The following SVOPL variants were observed in gnomAD, a reference collection of about 807,000 sequenced individuals.
SVOPL encodes putative transporter SVOPL.
A neutral mutation model predicts 61.0 loss-of-function variants in SVOPL; 60 were observed. The ratio of observed to expected loss-of-function variants is 0.98; its 90% CI spans 0.80 to 1.22. The LOEUF is 1.22. Among genes scored for constraint, SVOPL ranks in the 50% most tolerant of loss-of-function variants. The probability of loss-of-function intolerance (pLI) is 0.00; values close to 1 mark genes in which losing one functional copy is unlikely to be tolerated. For missense variants in SVOPL, 662 were observed against 643.9 expected (o/e 1.03, Z -0.30); for synonymous variants, 279 against 250.0 (o/e 1.12, Z -1.09).
At chr7:138,657,074 G>C (rs116212724) in intron 6 of SVOPL, among the ~76,000 whole-genome samples, 2,148 of 151,666 alleles carry the variant, frequency 0.014, 48 homozygotes, top group African/African-American at 0.048. Context: ...AGCCTTATCT[G>C]TTTTGCCAAG....
At position 138,594,573 on chromosome 7, in the gene SVOPL, C is replaced by T. The variant is rs1460755229; in HGVS notation, c.*37G>A. On this transcript the variant is annotated 3_prime_UTR_variant, in exon 16 of 16. Coordinates refer to ENST00000674285, the MANE Select transcript of SVOPL (RefSeq NM_001139456.2). ...GCACCGCAGTTCTGAAGATAGAATTCATTTTTCTCATCTGGTAGACATAGC... is the reference window on the plus strand; with the variant it reads ...GCACCGCAGTTCTGAAGATAGAATTTATTTTTCTCATCTGGTAGACATAGC... The T allele has an allele frequency of 1.3e-6, 2 of 1,582,870 alleles. No individual in the cohort carries two copies. Among genetic ancestry groups the T allele is most frequent in the East Asian group, 4.5e-5 (2 of 44,270 alleles).
intron 7 of SVOPL, 150 bp from the exon 8 acceptor site, chr7:138,649,287 T>C: frequency 8.7e-7 from 1 of 1,148,414 alleles, no homozygotes; most frequent in Non-Finnish European, 1.2e-6. Flanking sequence ...TTGTCCAGCA[T>C]TTTGCCTTTT....
At chr7:138,669,590 C>G (rs1480784028) in intron 4 of SVOPL, among the ~76,000 whole-genome samples, 1 of 152,182 alleles carries the variant, frequency 6.6e-6, no homozygotes, top group Non-Finnish European at 1.5e-5. Context: ...ACCTGGATAA[C>G]AGAACAACCT....
At chr7:138,671,969 AGCCT>A (rs1802430374) in intron 4 of SVOPL, 46 bp downstream of exon 4, 1 of 1,508,058 alleles carries the variant, frequency 6.6e-7, no homozygotes, top group African/African-American at 1.4e-5. Context: ...GAGGAAAGGG[AGCCT>A]ACGCCCTCAG....
At chr7:138,675,422 C>T (rs58124755) in intron 3 of SVOPL, among the ~76,000 whole-genome samples, 1,975 of 151,760 alleles carry the variant, frequency 0.013, 40 homozygotes, top group African/African-American at 0.044. Context: ...GGCGCGATCT[C>T]GGATCGCTGC....
chr7:138,596,396 A>G (rs752127640), intron 15 of SVOPL, 21 bp downstream of exon 15: 1 of 1,611,078 alleles, frequency 6.2e-7, no homozygotes, highest in Non-Finnish European at 8.5e-7. Context: ...AAAAGACTTC[A>G]GAGTTCCCTG....
At chr7:138,677,811 G>A (rs968343784) in intron 3 of SVOPL, among the ~76,000 whole-genome samples, 6 of 144,314 alleles carry the variant, frequency 4.2e-5, no homozygotes, top group South Asian at 2.2e-4. Flanking sequence ...CATTCAAGCT[G>A]GAGTGCAGTG....
Position 138,594,566 on chromosome 7 carries a change from T to C in SVOPL, c.*44A>G, listed in dbSNP as rs1243661130. 1.3e-6 allele frequency: 2 copies of C among 1,579,930 alleles called. No individual in the cohort carries two copies. The highest frequency in any genetic ancestry group is 1.7e-6 in the Non-Finnish European group (2 of 1,164,888). On this transcript the variant is annotated 3_prime_UTR_variant, in exon 16 of 16. Transcript: ENST00000674285. Reference sequence around the variant, plus strand: ...AAAAAATGCACCGCAGTTCTGAAGATAGAATTCATTTTTCTCATCTGGTAG... The same window carrying C: ...AAAAAATGCACCGCAGTTCTGAAGACAGAATTCATTTTTCTCATCTGGTAG...
intron 13 of SVOPL, among the ~76,000 whole-genome samples, chr7:138,621,830 GTATCTATCTATCTATGTATCTATC>G (rs1799584333): frequency 2.7e-5 from 1 of 37,470 alleles, no homozygotes; most frequent in African/African-American, 8.3e-5. Flanking sequence ...ATGTATCTAT[GTATCTATCTATCTATGTATCTATC>G]TATCTATCTA....
At chr7:138,624,325 A>G (rs1184451910) in intron 13 of SVOPL, among the ~76,000 whole-genome samples, 2 of 152,186 alleles carry the variant, frequency 1.3e-5, no homozygotes, top group Non-Finnish European at 2.9e-5. Context: ...TTTAATATGG[A>G]TATACTGATG....
At chr7:138,610,511 T>C (rs1798952877) in intron 14 of SVOPL, among the ~76,000 whole-genome samples, 1 of 152,266 alleles carries the variant, frequency 6.6e-6, no homozygotes, top group Non-Finnish European at 1.5e-5. Context: ...TTGTAGGTTT[T>C]TGTGTTTTCA....
At chr7:138,611,861 GC>G (rs1563087747) in intron 14 of SVOPL, among the ~76,000 whole-genome samples, 1 of 75,892 alleles carries the variant, frequency 1.3e-5, no homozygotes, top group Non-Finnish European at 2.7e-5. Context: ...CGAGATTGCA[GC>G]CTCTGCCCGG....
chr7:138,669,479 G>C lies in SVOPL; in HGVS notation c.273+2540C>G, dbSNP rs148780719. Reference sequence around the variant, plus strand: ...CTTAAACCTGCTCCCTAGGGATCATGTCAAATTACAAAGATCAGCCACCAG... The same window carrying C: ...CTTAAACCTGCTCCCTAGGGATCATCTCAAATTACAAAGATCAGCCACCAG... On this transcript the variant is annotated intron_variant, in intron 4 of 15. Coordinates refer to ENST00000674285, the MANE Select transcript of SVOPL (RefSeq NM_001139456.2). Among the ~76,000 whole-genome samples the C allele has an allele frequency of 3.1e-3, 472 of 152,298 alleles. 4 individuals are homozygous for C. Among genetic ancestry groups the C allele is most frequent in the African/African-American group, 0.011 (452 of 41,578 alleles).
At chr7:138,636,295 T>C (rs1388658583) in intron 9 of SVOPL, among the ~76,000 whole-genome samples, 1 of 152,176 alleles carries the variant, frequency 6.6e-6, no homozygotes, top group Non-Finnish European at 1.5e-5. Context: ...TAGGAATACA[T>C]TTTATAAGAA....
chr7:138,648,424 G>T (rs1038485838), intron 8 of SVOPL, among the ~76,000 whole-genome samples: 2 of 150,648 alleles, frequency 1.3e-5, no homozygotes. Flanking sequence ...CCTGTCCAAT[G>T]TGATGAAACC....
intron 14 of SVOPL, among the ~76,000 whole-genome samples, chr7:138,615,475 T>C (rs544159329): frequency 1.1e-3 from 167 of 146,414 alleles, no homozygotes; most frequent in African/African-American, 4.0e-3. Flanking sequence ...GAGAATGGCG[T>C]GAATCAGGAG....
intron 14 of SVOPL, among the ~76,000 whole-genome samples, chr7:138,607,802 C>T (rs1307080904): frequency 5.3e-5 from 8 of 152,182 alleles, no homozygotes; most frequent in Non-Finnish European, 1.0e-4. Flanking sequence ...TGATTGGAAG[C>T]ATTCAGCATC....
chr7:138,681,930 T>C (rs185241842), intron 1 of SVOPL, among the ~76,000 whole-genome samples: 2 of 152,288 alleles, frequency 1.3e-5, no homozygotes, highest in African/African-American at 4.8e-5. Context: ...ACATTGAAGA[T>C]GTTAAAATCC....
chr7:138,639,862 C>T (rs927721999), intron 9 of SVOPL, among the ~76,000 whole-genome samples: 1 of 151,626 alleles, frequency 6.6e-6, no homozygotes, highest in African/African-American at 2.4e-5. Context: ...AACCCTCCTG[C>T]CTCAACCTCT....
Sources: gnomAD v4.1 joint callset for allele counts (sites outside exome capture counted in the v4.1 genomes callset) on GRCh38, gnomAD v4.1.1 for gene constraint, MANE v1.5 for transcripts, NCBI Gene and HGNC (gene_info 2026-07-23, HGNC 2026-07-21) for gene names.